Variants in SUPT3H observed in about 807,000 individuals in gnomAD.
The protein encoded by SUPT3H is SPT3 homolog, SAGA and STAGA complex component.
Under a neutral mutation model 44.3 loss-of-function variants are expected in SUPT3H, and 44 were observed. The observed-to-expected ratio is 0.99, with a 90% confidence interval of 0.78 to 1.28. SUPT3H has a LOEUF of 1.28. SUPT3H is among the 50% of genes most tolerant of loss of function. SUPT3H has a pLI of 0.00. For missense variants in SUPT3H, 380 were observed against 387.1 expected (o/e 0.98, Z 0.15); for synonymous variants, 124 against 125.6 (o/e 0.99, Z 0.09).
intron 3 of SUPT3H, among the ~76,000 whole-genome samples, chr6:45,040,152 A>G (rs775674104): frequency 5.1e-4 from 78 of 152,180 alleles, no homozygotes; most frequent in Non-Finnish European, 1.1e-3. Context: ...TTCAACCCCA[A>G]GGTTGTGGCA....
intron 2 of SUPT3H, among the ~76,000 whole-genome samples, chr6:45,121,803 G>A (rs957886049): frequency 1.1e-4 from 17 of 152,166 alleles, no homozygotes; most frequent in African/African-American, 4.1e-4. Flanking sequence ...AGTCTCCTGA[G>A]TAGCTGGGAT....
intron 11 of SUPT3H, among the ~76,000 whole-genome samples, chr6:44,813,643 A>G (rs1274827903): frequency 6.6e-6 from 1 of 150,846 alleles, no homozygotes; most frequent in Non-Finnish European, 1.5e-5. Flanking sequence ...TAAAGAAGGG[A>G]CTGGAACTGG....
intron 10 of SUPT3H, among the ~76,000 whole-genome samples, chr6:44,885,034 A>G (rs1778921941): frequency 6.6e-6 from 1 of 152,170 alleles, no homozygotes; most frequent in South Asian, 2.1e-4. Context: ...GTCTGAAATC[A>G]AACTGCAAGG....
intron 10 of SUPT3H, among the ~76,000 whole-genome samples, chr6:44,908,334 G>A (rs1335055239): frequency 1.3e-5 from 2 of 151,704 alleles, no homozygotes; most frequent in African/African-American, 4.8e-5. Context: ...TGTAATTTTA[G>A]TAGAGACGGG....
intron 10 of SUPT3H, among the ~76,000 whole-genome samples, chr6:44,904,159 T>C (rs1219369013): frequency 2.0e-5 from 3 of 152,134 alleles, no homozygotes; most frequent in African/African-American, 2.4e-5. Flanking sequence ...CTATTCAACA[T>C]AGTGTTGGAA....
chr6:45,223,612 T>C (rs1487252687), intron 2 of SUPT3H, among the ~76,000 whole-genome samples: 1 of 151,974 alleles, frequency 6.6e-6, no homozygotes, highest in East Asian at 1.9e-4. Flanking sequence ...TAATCTGATA[T>C]ATATCTTCTC....
chr6:44,900,572 A>T (rs1396571018), intron 10 of SUPT3H, among the ~76,000 whole-genome samples: 2 of 152,206 alleles, frequency 1.3e-5, no homozygotes, highest in Non-Finnish European at 2.9e-5. Flanking sequence ...GGCCTGCCTT[A>T]CTGTGTAGAC....
intron 10 of SUPT3H, among the ~76,000 whole-genome samples, chr6:44,866,106 CTTTTTT>C (rs57914401): frequency 7.9e-6 from 1 of 126,176 alleles, no homozygotes. Flanking sequence ...CCTACATCGA[CTTTTTT>C]TTTTTTTTTT....
chr6:45,265,824 T>C (rs1562824847), intron 2 of SUPT3H, among the ~76,000 whole-genome samples: 1 of 152,044 alleles, frequency 6.6e-6, no homozygotes, highest in Non-Finnish European at 1.5e-5. Flanking sequence ...TTTGACCAAT[T>C]AATCTCCTTA....
intron 2 of SUPT3H, among the ~76,000 whole-genome samples, chr6:45,200,038 A>G (rs1036459602): frequency 6.6e-6 from 1 of 151,432 alleles, no homozygotes; most frequent in Non-Finnish European, 1.5e-5. Context: ...CACCCCATCA[A>G]CCAAATCAGA....
At chr6:45,195,514 G>A (rs960245780) in intron 2 of SUPT3H, among the ~76,000 whole-genome samples, 2 of 152,126 alleles carry the variant, frequency 1.3e-5, no homozygotes, top group Non-Finnish European at 2.9e-5. Context: ...GCACTGGGAA[G>A]ATGTAACAAA....
chr6:44,976,081 A>G (rs6902685), intron 6 of SUPT3H, among the ~76,000 whole-genome samples: 149,204 of 152,300 alleles, frequency 0.98, 73,097 homozygotes, highest in Middle Eastern at 1. Context: ...GTTTTCACGA[A>G]TCAGAAATGA....
intron 2 of SUPT3H, among the ~76,000 whole-genome samples, chr6:45,255,682 C>T (rs1189075171): frequency 6.6e-6 from 1 of 152,056 alleles, no homozygotes; most frequent in African/African-American, 2.4e-5. Flanking sequence ...ATCACCCTCC[C>T]AAAGTGGTTG....
chr6:45,021,799 A>G lies in SUPT3H; in HGVS notation c.187-1167T>C, dbSNP rs529228299. 3.9e-5 allele frequency among the ~76,000 whole-genome samples: 6 copies of G among 152,134 alleles called. No homozygotes were observed. The South Asian group carries it at 1.2e-3, about 32-fold the overall frequency. On this transcript the variant is annotated intron_variant, in intron 3 of 10. Transcript: ENST00000371459. Reference sequence around the variant, plus strand: ...AACCTTCTCTAAATACACAGACTACAAAATAGACTATAAACTCGCTATGTG... The same window carrying G: ...AACCTTCTCTAAATACACAGACTACGAAATAGACTATAAACTCGCTATGTG...
rs1768267813 is a variant in SUPT3H, at chr6:44,829,701, C to T, written c.*115G>A. ...CAGCAAGTTGAAAGTCACAACAGACCAGCCCACTCCCTCAGATAAAAGAAA... is the reference window on the plus strand; with the variant it reads ...CAGCAAGTTGAAAGTCACAACAGACTAGCCCACTCCCTCAGATAAAAGAAA... On this transcript the variant is annotated 3_prime_UTR_variant, in exon 11 of 11. Transcript: ENST00000371459. The T allele has an allele frequency of 1.6e-5, 19 of 1,197,334 alleles. No homozygotes were observed. The South Asian group carries it at 2.7e-4, about 17-fold the overall frequency. The allele number at this position is 1,197,334 out of a possible 1,614,324, so 74.2% of individuals were successfully genotyped here. A position where few individuals can be genotyped will look rare whatever the true frequency, so the allele number is the denominator to read the frequency against.
intron 2 of SUPT3H, among the ~76,000 whole-genome samples, chr6:45,141,084 A>T (rs575798236): frequency 4.7e-4 from 72 of 152,278 alleles, no homozygotes; most frequent in African/African-American, 1.7e-3. Context: ...TCATGCCTGT[A>T]ATCCCAGCAC....
chr6:44,959,032 C>T (rs946970517), intron 7 of SUPT3H, among the ~76,000 whole-genome samples: 6 of 151,846 alleles, frequency 4.0e-5, no homozygotes, highest in South Asian at 2.1e-4. Context: ...TGCACCACCA[C>T]GCCTGGCTTG....
intron 2 of SUPT3H, among the ~76,000 whole-genome samples, chr6:45,261,445 C>T (rs1424468395): frequency 3.3e-5 from 5 of 150,868 alleles, no homozygotes; most frequent in Admixed American, 2.0e-4. Context: ...TGTGATTCAC[C>T]ACACAAAAAG....
At chr6:45,159,709 A>G (rs1377813268) in intron 2 of SUPT3H, among the ~76,000 whole-genome samples, 1 of 152,204 alleles carries the variant, frequency 6.6e-6, no homozygotes, top group Non-Finnish European at 1.5e-5. Context: ...TTTAGCTACT[A>G]CAACAAGATC....
Sources: allele counts gnomAD v4.1 joint callset (sites outside exome capture counted in the v4.1 genomes callset), GRCh38; gene constraint gnomAD v4.1.1; transcripts MANE v1.5; gene names NCBI Gene and HGNC (gene_info 2026-07-23, HGNC 2026-07-21).